Variants in DNAH6 observed in about 807,000 individuals in gnomAD.
DNAH6 encodes dynein axonemal heavy chain 6, also known as axonemal beta dynein heavy chain 6.
Under a neutral mutation model 491.4 loss-of-function variants are expected in DNAH6, and 340 were observed. The ratio of observed to expected loss-of-function variants is 0.69; its 90% CI spans 0.63 to 0.76. The LOEUF (loss-of-function observed/expected upper bound fraction) is 0.76. DNAH6 is among the 30% of genes least tolerant of loss of function. The pLI, the probability that DNAH6 is intolerant of heterozygous loss-of-function variation, is 0.00. For synonymous variants in DNAH6, 1,603 were observed against 1,686.1 expected (o/e 0.95, Z 1.21); for missense variants, 4,443 against 4,972.2 (o/e 0.89, Z 3.20).
intron 69 of DNAH6, 71 bp downstream of exon 69, chr2:84,796,496 A>G: frequency 7.6e-7 from 1 of 1,313,948 alleles, no homozygotes; most frequent in Middle Eastern, 1.9e-4. Flanking sequence ...TCAGTTTCCC[A>G]CCCAGGGGCT....
Position 84,737,609 on chromosome 2 carries a change from G to T in DNAH6, c.10342+4030G>T, listed in dbSNP as rs1699625592. Among the ~76,000 whole-genome samples the T allele has an allele frequency of 1.3e-5, 2 of 151,780 alleles. 1 individual carries two copies. The highest frequency in any genetic ancestry group is 4.2e-4 in the South Asian group (2 of 4,812). Reference sequence around the variant, plus strand: ...ATTTCTCTAGATTTTTCTAGTTTGTGTGCATAGAGATGCTCATCATAATAC... The same window carrying T: ...ATTTCTCTAGATTTTTCTAGTTTGTTTGCATAGAGATGCTCATCATAATAC... On this transcript the variant is annotated intron_variant, in intron 62 of 76. Coordinates refer to ENST00000389394, the MANE Select transcript of DNAH6 (RefSeq NM_001370.2).
chr2:84,630,369 T>C (rs893613708), intron 29 of DNAH6, among the ~76,000 whole-genome samples: 27 of 152,304 alleles, frequency 1.8e-4, no homozygotes, highest in Middle Eastern at 3.4e-3. Context: ...ATATACAAGC[T>C]ATGAATTATT....
chr2:84,547,388 A>G lies in DNAH6; in HGVS notation c.1051A>G (p.Ile351Val), dbSNP rs1244083990. The G allele has an allele frequency of 6.4e-7, 1 of 1,551,824 alleles. No individual in the cohort carries two copies. Among genetic ancestry groups the G allele is most frequent in the Non-Finnish European group, 8.7e-7 (1 of 1,146,970 alleles). Residue 351 changes from isoleucine to valine, a missense_variant, in exon 6 of 77, where the codon ATA becomes GTA. Coordinates refer to ENST00000389394, the MANE Select transcript of DNAH6 (RefSeq NM_001370.2). ...GCAGGAATTTAAGGCCGCACAAGTC[A>G]TACGGCTAGCAGAGGTAACAAATTT... is the stretch of plus-strand genomic sequence containing the variant. ...TLQEFKAAQVIRLAEVTERLG... is the reference protein window; with the variant it reads ...TLQEFKAAQVVRLAEVTERLG...
At position 84,608,801 on chromosome 2, in the gene DNAH6, A is replaced by C. The variant is rs564396532; in HGVS notation, c.3294+1706A>C. 2.6e-5 allele frequency among the ~76,000 whole-genome samples: 4 copies of C among 152,288 alleles called. No individual in the cohort carries two copies. The East Asian group carries it at 7.7e-4, about 29-fold the overall frequency. ...TAACATGAGTCAGCCTGTCCTTTGA[A>C]TCTTTGAAGCCAGGCATTGGCTAAT... On this transcript the variant is annotated intron_variant, in intron 21 of 76. Transcript: ENST00000389394.
chr2:84,693,710 T>C (rs1695102962), intron 45 of DNAH6, among the ~76,000 whole-genome samples: 1 of 150,740 alleles, frequency 6.6e-6, no homozygotes, highest in Non-Finnish European at 1.5e-5. Context: ...CATTCCAGCC[T>C]GGGCAACAGA....
the DNAH6 span, among the ~76,000 whole-genome samples, chr2:84,504,844 G>T: frequency 1.3e-5 from 2 of 152,258 alleles, no homozygotes; most frequent in East Asian, 3.9e-4. Context: ...GCTACTTAAG[G>T]CCCCTTGCAA....
chr2:84,516,985 A>G (rs1675659135), intron 1 of DNAH6, among the ~76,000 whole-genome samples: 1 of 152,196 alleles, frequency 6.6e-6, no homozygotes. Flanking sequence ...GGTAAATAAA[A>G]CATATTATTA....
intron 63 of DNAH6, among the ~76,000 whole-genome samples, chr2:84,754,430 C>T (rs1673796921): frequency 2.0e-5 from 3 of 152,180 alleles, no homozygotes; most frequent in Admixed American, 6.5e-5. Context: ...ATCCACCAGC[C>T]TTGGCCTCCC....
chr2:84,629,922 A>G (rs1688246475), intron 29 of DNAH6, among the ~76,000 whole-genome samples: 2 of 152,242 alleles, frequency 1.3e-5, no homozygotes, highest in African/African-American at 2.4e-5. Context: ...GGACAATGCA[A>G]GAATGATAAT....
At chr2:84,564,854 G>A (rs1340587345) in intron 11 of DNAH6, among the ~76,000 whole-genome samples, 1 of 152,048 alleles carries the variant, frequency 6.6e-6, no homozygotes, top group Non-Finnish European at 1.5e-5. Flanking sequence ...TTATTTTGAA[G>A]TCTATTCCTT....
intron 64 of DNAH6, chr2:84,778,117 CA>C: frequency 2.5e-6 from 2 of 785,398 alleles, no homozygotes; most frequent in Non-Finnish European, 4.7e-6. Flanking sequence ...TGTGGCATGG[CA>C]CAGGCCATGC....
intron 63 of DNAH6, among the ~76,000 whole-genome samples, chr2:84,754,333 C>G (rs1367844257): frequency 6.6e-6 from 1 of 152,112 alleles, no homozygotes; most frequent in Non-Finnish European, 1.5e-5. Context: ...GTGGCCACCA[C>G]CACACCTGGC....
At chr2:84,662,672 G>C (rs932778894) in intron 37 of DNAH6, among the ~76,000 whole-genome samples, 3 of 152,320 alleles carry the variant, frequency 2.0e-5, no homozygotes, top group South Asian at 2.1e-4. Flanking sequence ...CTCCACCTCT[G>C]GGGGCAGGGC....
chr2:84,553,164 C>T, intron 10 of DNAH6, 130 bp downstream of exon 10: 1 of 627,476 alleles, frequency 1.6e-6, no homozygotes. Flanking sequence ...AGAGAGAAAG[C>T]ATTGTTTTGT....
chr2:84,672,166 G>T (rs1441771367), intron 39 of DNAH6, among the ~76,000 whole-genome samples, 161 bp from the exon 40 acceptor site: 1 of 152,192 alleles, frequency 6.6e-6, no homozygotes, highest in Non-Finnish European at 1.5e-5. Flanking sequence ...AGGGGCCTGG[G>T]TGGGGCCAGA....
chr2:84,595,790 G>A lies in DNAH6; in HGVS notation c.2868+1G>A, dbSNP rs944394460. On this transcript the variant is annotated splice_donor_variant, in intron 18 of 76. Transcript: ENST00000389394. LOFTEE classifies it high-confidence loss of function. ...CAAGGTGGAAAAAATGAAAGAAAAG[G>A]TAAGGTTGGTAGAAGTTATTTCAAA... 1 of 1,544,012 alleles carries A rather than the reference G, an allele frequency of 6.5e-7. No homozygotes were observed. Among genetic ancestry groups the A allele is most frequent in the African/African-American group, 1.4e-5 (1 of 72,606 alleles).
chr2:84,759,810 A>G (rs985942490), intron 63 of DNAH6, among the ~76,000 whole-genome samples: 4 of 152,198 alleles, frequency 2.6e-5, no homozygotes, highest in Non-Finnish European at 5.9e-5. Context: ...TAGCCAATGC[A>G]ATCCTAAGAA....
chr2:84,560,607 C>T (rs544068200), intron 11 of DNAH6, among the ~76,000 whole-genome samples: 1,739 of 151,514 alleles, frequency 0.011, 50 homozygotes, highest in African/African-American at 0.04. Context: ...TATCCCTCCC[C>T]GCTTCCCCCA....
At position 84,594,075 on chromosome 2, in the gene DNAH6, A is replaced by T; in HGVS notation, c.2714A>T (p.Glu905Val). Reference sequence around the variant, plus strand: ...TCTGAATGGGATAAACTCCAACAAGAATGGTTAAAGGTAGGGGAAAAAAGC... The same window carrying T: ...TCTGAATGGGATAAACTCCAACAAGTATGGTTAAAGGTAGGGGAAAAAAGC... ...SFSEWDKLQQ[E>V]WLKSKFDCLD... The change falls in exon 17 of 77, where the codon GAA becomes GTA. Residue 905 changes from glutamate (E) to valine (V), a missense_variant. Around this residue, in one of 3 missense-constraint regions of DNAH6, gnomAD observed 2,977 missense variants for 3,296.6 expected, o/e 0.90. Transcript: ENST00000389394. 3.2e-6 allele frequency: 5 copies of T among 1,541,812 alleles called. No homozygotes were observed. The highest frequency in any genetic ancestry group is 4.4e-6 in the Non-Finnish European group (5 of 1,139,262).
Sources: allele counts gnomAD v4.1 joint callset (sites outside exome capture counted in the v4.1 genomes callset), GRCh38; gene constraint gnomAD v4.1.1; regional missense constraint gnomAD v4.1.1; transcripts MANE v1.5; gene names NCBI Gene and HGNC (gene_info 2026-07-23, HGNC 2026-07-21).